Variants in SH3GL3 observed in about 807,000 individuals in gnomAD.
SH3GL3 encodes the protein SH3 domain containing GRB2 like 3, endophilin A3, also known as endophilin-A3.
A neutral mutation model predicts 47.7 loss-of-function variants in SH3GL3; 33 were observed. The ratio of observed to expected loss-of-function variants is 0.69; its 90% CI spans 0.52 to 0.92. The LOEUF (loss-of-function observed/expected upper bound fraction) is 0.92. Among genes scored for constraint, SH3GL3 ranks in the 40% least tolerant of loss-of-function variants. The pLI, the probability that SH3GL3 is intolerant of heterozygous loss-of-function variation, is 0.00. For synonymous variants in SH3GL3, 155 were observed against 148.8 expected (o/e 1.04, Z -0.30); for missense variants, 363 against 417.8 (o/e 0.87, Z 1.14).
intron 8 of SH3GL3, among the ~76,000 whole-genome samples, chr15:83,615,606 C>T (rs186212578): frequency 6.6e-6 from 1 of 152,206 alleles, no homozygotes; most frequent in East Asian, 1.9e-4. Flanking sequence ...GCCACCACAC[C>T]CGGCCTGTTA....
intron 1 of SH3GL3, among the ~76,000 whole-genome samples, chr15:83,498,531 A>G (rs1395619057): frequency 6.6e-6 from 1 of 152,200 alleles, no homozygotes; most frequent in Non-Finnish European, 1.5e-5. Flanking sequence ...GCTTCTGAGT[A>G]TCCTCAGTGA....
Position 83,447,984 on chromosome 15 carries a change from T to G in SH3GL3, c.45+406T>G, listed in dbSNP as rs1011414769. ...CAGCCGTTTGGTTGGGAGAGCCTCG[T>G]GGGGGGCCCATCCTCCACCGGCCAC... On this transcript the variant is annotated intron_variant, in intron 1 of 8. Coordinates refer to ENST00000427482, the MANE Select transcript of SH3GL3 (RefSeq NM_003027.5). The surrounding 1 kb of genome is among the most constrained non-coding windows in gnomAD (Gnocchi z 5.1). Among the ~76,000 whole-genome samples, 1 of 151,996 alleles carries G rather than the reference T, an allele frequency of 6.6e-6. No homozygotes were observed. The highest frequency in any genetic ancestry group is 1.5e-5 in the Non-Finnish European group (1 of 67,966).
Position 83,450,114 on chromosome 15 carries a change from C to A in SH3GL3, c.45+2536C>A, listed in dbSNP as rs79998721. 3.2e-3 allele frequency among the ~76,000 whole-genome samples: 481 copies of A among 152,228 alleles called. 6 individuals carry two copies. The highest frequency in any genetic ancestry group is 0.011 in the African/African-American group (469 of 41,524). ...CTGTAACCTTGGGAACATAACTTAA[C>A]CCATCTGGACCTTGGTTTCTATCTG... is the stretch of plus-strand genomic sequence containing the variant. On this transcript the variant is annotated intron_variant, in intron 1 of 8. Transcript: ENST00000427482.
intron 1 of SH3GL3, among the ~76,000 whole-genome samples, chr15:83,521,942 T>C (rs930550750): frequency 1.2e-4 from 19 of 152,198 alleles, no homozygotes; most frequent in African/African-American, 4.1e-4. Flanking sequence ...GGTCATAATA[T>C]CTGAGGTCTC....
chr15:83,555,639 G>A (rs928328907), intron 1 of SH3GL3, among the ~76,000 whole-genome samples: 29 of 152,178 alleles, frequency 1.9e-4, no homozygotes, highest in African/African-American at 6.8e-4. Context: ...CCTTGGGCCT[G>A]CAGATTGCCA....
chr15:83,501,290 G>T (rs535660824), intron 1 of SH3GL3, among the ~76,000 whole-genome samples: 169 of 152,162 alleles, frequency 1.1e-3, no homozygotes, highest in African/African-American at 4.0e-3. Context: ...AAACTTAAGC[G>T]ACTCAAGTTA....
chr15:83,604,653 A>T (rs17158772), intron 8 of SH3GL3, among the ~76,000 whole-genome samples: 1 of 152,036 alleles, frequency 6.6e-6, no homozygotes, highest in African/African-American at 2.4e-5. Context: ...AACTACACTT[A>T]TTGGCTACTT....
chr15:83,622,813 C>T (rs1375861775), downstream of SH3GL3, among the ~76,000 whole-genome samples: 1 of 152,232 alleles, frequency 6.6e-6, no homozygotes, highest in African/African-American at 2.4e-5. Context: ...CTCTAGTACT[C>T]CTAATTCCGT....
At chr15:83,521,028 A>C (rs2151651182) in intron 1 of SH3GL3, among the ~76,000 whole-genome samples, 1 of 152,304 alleles carries the variant, frequency 6.6e-6, no homozygotes, top group South Asian at 2.1e-4. Context: ...TGGATCATGC[A>C]CCTGGAATTC....
Position 83,470,769 on chromosome 15 carries a change from A to T in SH3GL3, c.45+23191A>T, listed in dbSNP as rs569974607. Among the ~76,000 whole-genome samples, 5 of 151,954 alleles carry T rather than the reference A, an allele frequency of 3.3e-5. No homozygotes were observed. The South Asian group carries it at 1.0e-3, about 32-fold the overall frequency. On this transcript the variant is annotated intron_variant, in intron 1 of 8. Coordinates refer to ENST00000427482, the MANE Select transcript of SH3GL3 (RefSeq NM_003027.5). ...ATTTTTTAGTATTCCATTTTGGTTT[A>T]TATAGTGTTTTTGAGTACACCTCTT... is the stretch of plus-strand genomic sequence containing the variant.
rs77572338 is a variant in SH3GL3 at position 83,576,061 on chromosome 15, A to G, written c.466-522A>G. 6.9e-3 allele frequency among the ~76,000 whole-genome samples: 1,057 copies of G among 152,194 alleles called. 12 individuals are homozygous for G. Among genetic ancestry groups the G allele is most frequent in the African/African-American group, 0.024 (984 of 41,512 alleles). On this transcript the variant is annotated intron_variant, in intron 5 of 8. Transcript: ENST00000427482. ...TTGTCTGTGAATCTCTCTCCTTTGC[A>G]TTCATTAACAGCGTTTTACGCAACT...
At chr15:83,462,750 C>T (rs575462886) in intron 1 of SH3GL3, among the ~76,000 whole-genome samples, 2 of 152,118 alleles carry the variant, frequency 1.3e-5, no homozygotes, top group East Asian at 1.9e-4. Context: ...AAATGATAGC[C>T]AACATCAATG....
intron 1 of SH3GL3, among the ~76,000 whole-genome samples, chr15:83,480,817 A>G (rs553444500): frequency 6.6e-6 from 1 of 152,330 alleles, no homozygotes; most frequent in South Asian, 2.1e-4. Flanking sequence ...TGCATAGATT[A>G]TATGCAAATA....
At chr15:83,517,205 C>CTTTTTTTT (rs36096315) in intron 1 of SH3GL3, among the ~76,000 whole-genome samples, 1 of 109,688 alleles carries the variant, frequency 9.1e-6, no homozygotes, top group African/African-American at 3.4e-5. Context: ...CTTTTCTTTT[C>CTTTTTTTT]TTTTTTTTTT....
intron 1 of SH3GL3, among the ~76,000 whole-genome samples, chr15:83,521,792 C>T (rs1215575805): frequency 2.6e-5 from 4 of 152,136 alleles, no homozygotes; most frequent in South Asian, 2.1e-4. Context: ...AACTGTGGCC[C>T]GTGGGTCAGT....
intron 6 of SH3GL3, among the ~76,000 whole-genome samples, chr15:83,580,216 T>G (rs2059795955): frequency 6.6e-6 from 1 of 152,144 alleles, no homozygotes; most frequent in South Asian, 2.1e-4. Context: ...GGTGGGGAAG[T>G]CCTGCATGAG....
chr15:83,542,565 A>G (rs1027581169), intron 1 of SH3GL3, among the ~76,000 whole-genome samples: 1 of 152,176 alleles, frequency 6.6e-6, no homozygotes, highest in African/African-American at 2.4e-5. Context: ...TTTAGTAGGT[A>G]TGAAATTTTA....
chr15:83,618,115 G>A lies in SH3GL3; in HGVS notation c.872G>A (p.Arg291His), dbSNP rs764222983. 1.1e-5 allele frequency: 17 copies of A among 1,613,682 alleles called. No homozygotes were observed. The highest frequency in any genetic ancestry group is 1.2e-5 in the Non-Finnish European group (14 of 1,179,594). The change falls in exon 9 of 9, where the codon CGT becomes CAT. Residue 291 changes from arginine (R) to histidine (H), a missense_variant. Coordinates refer to ENST00000427482, the MANE Select transcript of SH3GL3 (RefSeq NM_003027.5). ...ATTCCCATGGACCAGCCCTGCTGTCGTGGTCTCTATGACTTTGAGCCAGAA... is the reference window on the plus strand; with the variant it reads ...ATTCCCATGGACCAGCCCTGCTGTCATGGTCTCTATGACTTTGAGCCAGAA... ...SNIPMDQPCC[R>H]GLYDFEPENQ... is the part of the protein sequence containing the mutation.
chr15:83,541,494 C>T (rs1008330641), intron 1 of SH3GL3, among the ~76,000 whole-genome samples: 1 of 151,568 alleles, frequency 6.6e-6, no homozygotes, highest in Admixed American at 6.6e-5. Flanking sequence ...CTACCACGCC[C>T]GGCTAATTTT....
Sources: gnomAD v4.1 joint callset for allele counts (sites outside exome capture counted in the v4.1 genomes callset) on GRCh38, gnomAD v4.1.1 for gene constraint, Gnocchi (gnomAD v3.1) non-coding constraint, MANE v1.5 for transcripts, NCBI Gene and HGNC (gene_info 2026-07-23, HGNC 2026-07-21) for gene names.